Variants in COL18A1 observed in about 807,000 individuals in gnomAD.
COL18A1 encodes the protein collagen alpha-1(XVIII) chain.
In COL18A1, 133 loss-of-function variants were observed where a neutral mutation model predicts 168.0. That is an observed-to-expected ratio of 0.79 (90% confidence interval 0.69 to 0.91). The LOEUF (loss-of-function observed/expected upper bound fraction) is 0.91. Among genes scored for constraint, COL18A1 ranks in the 40% least tolerant of loss-of-function variants. COL18A1 has a pLI of 0.00. For missense variants in COL18A1, 2,126 were observed against 1,925.4 expected, an observed-to-expected ratio of 1.10 and a Z score of -1.95; for synonymous variants, 949 against 809.0, an observed-to-expected ratio of 1.17 and a Z score of -2.94.
Position 45,512,718 on chromosome 21 carries a change from A to AGGATTTC in COL18A1, c.*321_*327dup. 1 of 430,282 alleles carries AGGATTTC rather than the reference A, an allele frequency of 2.3e-6. No homozygotes were observed. The highest frequency in any genetic ancestry group is 2.3e-5 in the South Asian group (1 of 44,376). 26.7% of individuals were successfully genotyped at this position (430,282 alleles called of 1,614,324 possible). Reference sequence around the variant, plus strand: ...GATCAGACCACGGCTCGATTTCTCCAGGATTTCCTGCTTTGGGAAGCCGTG... The same window carrying AGGATTTC: ...GATCAGACCACGGCTCGATTTCTCCAGGATTTCGGATTTCCTGCTTTGGGAAGCCGTG... On this transcript the variant is annotated 3_prime_UTR_variant, in exon 42 of 42. Transcript: ENST00000651438.
At chr21:45,452,920 A>T (rs549303253) in intron 2 of COL18A1, among the ~76,000 whole-genome samples, 2 of 150,140 alleles carry the variant, frequency 1.3e-5, no homozygotes, top group African/African-American at 4.9e-5. Context: ...CATGTGTGTG[A>T]GTATTCACAT....
In COL18A1 at chr21:45,493,194, C is replaced by T. The variant is rs1372674920; in HGVS notation, c.2246C>T (p.Ser749Phe). 5 of 1,563,282 alleles carry T rather than the reference C, an allele frequency of 3.2e-6. No homozygotes were observed. The highest frequency in any genetic ancestry group is 4.3e-6 in the Non-Finnish European group (5 of 1,153,746). Residue 749 changes from serine (S) to phenylalanine (F), a missense_variant, in exon 25 of 42, where the codon TCT becomes TTT. Ser to Phe is a radical substitution (Grantham distance 155). Transcript: ENST00000651438. ...GPAGPKGNLG[S>F]KGERGSPGPK... ...GCAGGACCCAAGGGCAACCTGGGCT[C>T]TAAGGGCGAACGAGGCTCCCCGGGA...
chr21:45,481,962 G>C lies in COL18A1; in HGVS notation c.1612-1G>C. The C allele has an allele frequency of 1.2e-6, 2 of 1,611,268 alleles. No homozygotes were observed. The highest frequency in any genetic ancestry group is 1.7e-6 in the Non-Finnish European group (2 of 1,177,474). On this transcript the variant is annotated splice_acceptor_variant, in intron 13 of 41. Transcript: ENST00000651438. LOFTEE classifies it high-confidence loss of function. The stretch of plus-strand genomic sequence containing the variant: ...ACCCACTATGCTCTGCTCTCCCCCA[G>C]GGACCCCCAGGCCCTCCGGGAAGAG...
rs775582272 is a variant in COL18A1, at chr21:45,494,875, G to A, written c.2393G>A (p.Arg798Gln). Reference protein sequence around the residue: ...GFRGPPGPYGRPGYKGEIGFP... With the variant: ...GFRGPPGPYGQPGYKGEIGFP... ...TTCCTCTTGCAGGGTCCATACGGAC[G>A]GCCGGGGTACAAGGGAGAGATTGGC... The change falls in exon 28 of 42, where the codon CGG becomes CAG. Residue 798 changes from arginine to glutamine, a missense_variant. By Grantham distance (43) the Arg-to-Gln change is conservative (BLOSUM62 1). Coordinates refer to ENST00000651438, the MANE Select transcript of COL18A1 (RefSeq NM_001379500.1). The A allele has an allele frequency of 3.2e-5, 52 of 1,610,272 alleles. No homozygotes were observed. Among genetic ancestry groups the A allele is most frequent in the Middle Eastern group, 3.3e-4 (2 of 6,076 alleles).
intron 2 of COL18A1, among the ~76,000 whole-genome samples, chr21:45,405,888 C>A (rs1391854189): frequency 3.3e-5 from 5 of 151,692 alleles, no homozygotes; most frequent in African/African-American, 1.2e-4. Context: ...CGCGGGGCGT[C>A]GTCTCCGCGT....
Position 45,494,851 on chromosome 21 carries a change from T to C in COL18A1, c.2380-11T>C. The C allele has an allele frequency of 6.2e-7, 1 of 1,606,434 alleles. No individual in the cohort carries two copies. Among genetic ancestry groups the C allele is most frequent in the Non-Finnish European group, 8.5e-7 (1 of 1,176,920 alleles). On this transcript the variant is annotated splice_polypyrimidine_tract_variant and intron_variant, in intron 27 of 41. Coordinates refer to ENST00000651438, the MANE Select transcript of COL18A1 (RefSeq NM_001379500.1). ...TCTGCCCCACTAAGCCTGGCCCCCT[T>C]CCTCTTGCAGGGTCCATACGGACGG... is the stretch of plus-strand genomic sequence containing the variant.
At chr21:45,497,940 C>T (rs1405691552) in intron 32 of COL18A1, 3 of 605,026 alleles carry the variant, frequency 5.0e-6, no homozygotes, top group Non-Finnish European at 8.8e-6. Flanking sequence ...CAGGTGGGCA[C>T]TGCGCAGAGA....
Position 45,477,454 on chromosome 21 carries a change from G to A in COL18A1, c.972G>A (p.Gly324=), listed in dbSNP as rs770145629. The A allele has an allele frequency of 5.0e-6, 8 of 1,612,784 alleles. No homozygotes were observed. In the African/African-American group the frequency reaches 9.3e-5, roughly 19 times the overall value. The change falls in exon 7 of 42, where the codon GGG becomes GGA. Residue 324 remains glycine (G), a synonymous_variant. Coordinates refer to ENST00000651438, the MANE Select transcript of COL18A1 (RefSeq NM_001379500.1). ...PGSDSVSTWD[G]SVRTPGGRVK... Reference sequence around the variant, plus strand: ...CAGATTCTGTCTCCACGTGGGACGGGAGTGTCCGGACCCCTGGGGGCCGCG... The same window carrying A: ...CAGATTCTGTCTCCACGTGGGACGGAAGTGTCCGGACCCCTGGGGGCCGCG...
intron 37 of COL18A1, 196 bp downstream of exon 37, chr21:45,506,162 C>T: frequency 1.3e-6 from 1 of 750,564 alleles, no homozygotes; most frequent in East Asian, 2.8e-5. Flanking sequence ...GAAAAGTGAG[C>T]TCAAGCTTCT....
In COL18A1 at chr21:45,511,141, C is replaced by G; in HGVS notation, c.3724C>G (p.Leu1242Val). 1 of 1,595,640 alleles carries G rather than the reference C, an allele frequency of 6.3e-7. No homozygotes were observed. The highest frequency in any genetic ancestry group is 8.5e-7 in the Non-Finnish European group (1 of 1,170,926). ...GCTGCTGTTTCCCAGCTGGGAGGCT[C>G]TGTTCTCAGGCTCTGAGGGTCCGCT... ...DELLFPSWEA[L>V]FSGSEGPLKP... is the part of the protein sequence containing the mutation. The change falls in exon 41 of 42, where the codon CTG becomes GTG. Residue 1242 changes from leucine to valine, a missense_variant. Leu to Val is a conservative substitution (Grantham distance 32, BLOSUM62 1). Transcript: ENST00000651438.
intron 22 of COL18A1, among the ~76,000 whole-genome samples, chr21:45,491,924 G>GT (rs1390032940): frequency 2.1e-5 from 3 of 139,550 alleles, no homozygotes; most frequent in Non-Finnish European, 4.6e-5. Flanking sequence ...GTGGCCAGGG[G>GT]TTCAGATCCC....
Position 45,498,375 on chromosome 21 carries a change from C to A in COL18A1, c.2683+714C>A. The A allele has an allele frequency of 4.6e-6, 3 of 659,308 alleles. No homozygotes were observed. Among genetic ancestry groups the A allele is most frequent in the South Asian group, 1.6e-5 (1 of 60,896 alleles). 40.8% of individuals were successfully genotyped at this position (659,308 alleles called of 1,614,324 possible). ...AGGGTTCCCTCTCGCCACCACGGTC[C>A]CCTCTCGCCGCCAGGGTCCCCTCTC... On this transcript the variant is annotated intron_variant, in intron 32 of 41. Transcript: ENST00000651438. This position sits in a 1 kb window ranked among gnomAD's most constrained non-coding sequence, Gnocchi z 4.5.
chr21:45,500,202 G>GTT (rs140242824), intron 32 of COL18A1, among the ~76,000 whole-genome samples: 4 of 131,398 alleles, frequency 3.0e-5, no homozygotes, highest in Admixed American at 7.6e-5. Flanking sequence ...TGTGGAGTGT[G>GTT]TGTGGCTGGG....
intron 15 of COL18A1, among the ~76,000 whole-genome samples, chr21:45,483,951 A>G (rs2035986841): frequency 6.8e-6 from 1 of 146,506 alleles, no homozygotes; most frequent in African/African-American, 2.6e-5. Context: ...CCTCTCCAGC[A>G]TATGTACACA....
rs539357493 is a variant in COL18A1, at chr21:45,476,151, G to A, written c.799-200G>A. On this transcript the variant is annotated intron_variant, in intron 5 of 41. Transcript: ENST00000651438. ...CAGGCGCGGTCCTGGGTCCTGGGGA[G>A]CCGGGGAGCCCACAGGCGGCCACAC... Among the ~76,000 whole-genome samples, 342 of 152,242 alleles carry A rather than the reference G, an allele frequency of 2.2e-3. 2 individuals carry two copies. Among genetic ancestry groups the A allele is most frequent in the Non-Finnish European group, 3.4e-3 (229 of 68,012 alleles).
chr21:45,416,243 A>T (rs948894850), intron 2 of COL18A1, among the ~76,000 whole-genome samples: 1 of 152,316 alleles, frequency 6.6e-6, no homozygotes, highest in Non-Finnish European at 1.5e-5. Flanking sequence ...GGTCAGGAGC[A>T]GTAGGGCCGG....
chr21:45,503,596 T>C (rs1035644654), intron 32 of COL18A1, among the ~76,000 whole-genome samples: 3 of 128,774 alleles, frequency 2.3e-5, no homozygotes, highest in African/African-American at 9.0e-5. Context: ...TGAGATCACA[T>C]GGACACAGGA....
intron 1 of COL18A1, 51 bp downstream of exon 1, chr21:45,405,292 G>GGGGCTGCA (rs1208827162): frequency 1.2e-6 from 1 of 810,042 alleles, no homozygotes; most frequent in Non-Finnish European, 1.6e-6. Context: ...ATGCGGCTGC[G>GGGGCTGCA]GGGGTCGCGG....
At chr21:45,480,612 G>A (rs2035858197) in intron 12 of COL18A1, 88 bp from the exon 13 acceptor site, 2 of 1,612,974 alleles carry the variant, frequency 1.2e-6, no homozygotes, top group Admixed American at 1.7e-5. Flanking sequence ...GTCCTGTGGG[G>A]GGTGGGGATG....
Sources: allele counts gnomAD v4.1 joint callset (sites outside exome capture counted in the v4.1 genomes callset), GRCh38; gene constraint gnomAD v4.1.1; non-coding constraint Gnocchi (gnomAD v3.1); transcripts MANE v1.5; gene names NCBI Gene and HGNC (gene_info 2026-07-23, HGNC 2026-07-21).